Variants in PICALM observed in about 807,000 individuals in gnomAD.
PICALM encodes the protein phosphatidylinositol-binding clathrin assembly protein.
PICALM carries 40 observed loss-of-function variants against 80.5 expected under a neutral mutation model. That is an observed-to-expected ratio of 0.50 (90% CI 0.39 to 0.65). PICALM has a LOEUF of 0.65. Among genes scored for constraint, PICALM ranks in the 30% least tolerant of loss-of-function variants. PICALM has a pLI of 0.00. For synonymous variants in PICALM, 288 were observed against 260.3 expected (o/e 1.11, Z -1.02); for missense variants, 676 against 778.9 (o/e 0.87, Z 1.57).
chr11:85,990,472 G>T lies in PICALM; in HGVS notation c.1259-73C>A, dbSNP rs555684194. The stretch of plus-strand genomic sequence containing the variant: ...AAATTAGTATTGTAATTAGTCAAAA[G>T]ATGCAAAGTGAAAAGTAGTAACTAT... On this transcript the variant is annotated intron_variant, in intron 12 of 19. Coordinates refer to ENST00000393346, the MANE Select transcript of PICALM (RefSeq NM_007166.4). 2.2e-4 allele frequency: 196 copies of T among 888,074 alleles called. No homozygotes were observed. The African/African-American group carries it at 2.8e-3, about 13-fold the overall frequency. 55.0% of individuals were successfully genotyped at this position (888,074 alleles called of 1,614,324 possible).
At chr11:86,059,082 T>C (rs182524362) in intron 1 of PICALM, among the ~76,000 whole-genome samples, 120 of 152,344 alleles carry the variant, frequency 7.9e-4, no homozygotes, top group African/African-American at 2.9e-3. Flanking sequence ...TATGTTTTTA[T>C]CAATGTTACT....
At chr11:86,057,067 T>C (rs1343978866) in intron 1 of PICALM, among the ~76,000 whole-genome samples, 1 of 152,018 alleles carries the variant, frequency 6.6e-6, no homozygotes, top group Non-Finnish European at 1.5e-5. Context: ...TGATGGAAAA[T>C]GTTCTAGAAT....
Position 86,010,516 on chromosome 11 carries a change from G to A in PICALM, c.765+514C>T, listed in dbSNP as rs189838205. On this transcript the variant is annotated intron_variant, in intron 7 of 19. Coordinates refer to ENST00000393346, the MANE Select transcript of PICALM (RefSeq NM_007166.4). ...TAATTTTTGTATCTTTAGTATAGACGGGATTTTGCCATGTTGGCCAGTCTT... is the reference window on the plus strand; with the variant it reads ...TAATTTTTGTATCTTTAGTATAGACAGGATTTTGCCATGTTGGCCAGTCTT... 5.3e-5 allele frequency among the ~76,000 whole-genome samples: 8 copies of A among 152,084 alleles called. No homozygotes were observed. The East Asian group carries it at 1.5e-3, about 29-fold the overall frequency.
chr11:86,019,981 G>A (rs562190832), intron 4 of PICALM, among the ~76,000 whole-genome samples: 1 of 152,182 alleles, frequency 6.6e-6, no homozygotes, highest in East Asian at 1.9e-4. Flanking sequence ...ATAGCTACAA[G>A]GGTCATCGCT....
chr11:85,980,673 A>G (rs1203637062), intron 17 of PICALM, among the ~76,000 whole-genome samples: 1 of 152,204 alleles, frequency 6.6e-6, no homozygotes, highest in African/African-American at 2.4e-5. Context: ...TGTATTTTAG[A>G]AAAATAAATA....
chr11:85,959,054 A>G lies in PICALM; in HGVS notation c.1951T>C (p.Phe651Leu). 1.3e-6 allele frequency: 2 copies of G among 1,588,796 alleles called. No individual in the cohort carries two copies. The highest frequency in any genetic ancestry group is 1.7e-6 in the Non-Finnish European group (2 of 1,161,784). Residue 651 changes from phenylalanine (F) to leucine (L), a missense_variant, in exon 20 of 20, where the codon TTT becomes CTT. Around this residue, in one of 2 missense-constraint regions of PICALM, gnomAD observed 391 missense variants for 383.6 expected, o/e 1.02. Coordinates refer to ENST00000393346, the MANE Select transcript of PICALM (RefSeq NM_007166.4). ...FGPVSGAQIQ[F>L]M is the part of the protein sequence containing the mutation. ...CATTTTCTTCCATCAAGTTACATAA[A>G]CTGTATCTGGAAAAAAAAAGTGGGT...
At chr11:85,996,685 G>T in intron 12 of PICALM, 141 bp downstream of exon 12, 2 of 560,188 alleles carry the variant, frequency 3.6e-6, no homozygotes. Flanking sequence ...ACCTTCAAGG[G>T]ATAAAATTGC....
chr11:86,056,760 T>TAAACAACCCAAATGTCC (rs922265476), intron 1 of PICALM, among the ~76,000 whole-genome samples: 6 of 152,164 alleles, frequency 3.9e-5, no homozygotes, highest in African/African-American at 1.4e-4. Context: ...CCCAAATGGC[T>TAAACAACCCAAATGTCC]AAACAACCCA....
chr11:85,980,811 T>A (rs1054068337), intron 17 of PICALM, among the ~76,000 whole-genome samples: 1 of 152,202 alleles, frequency 6.6e-6, no homozygotes, highest in Admixed American at 6.5e-5. Context: ...GCTTAATAAC[T>A]CTGAGCCTCC....
intron 1 of PICALM, among the ~76,000 whole-genome samples, chr11:86,042,391 A>C (rs1410247727): frequency 2.0e-5 from 3 of 152,190 alleles, no homozygotes; most frequent in Non-Finnish European, 4.4e-5. Flanking sequence ...ACTTAATATA[A>C]GAATTAAAAA....
chr11:86,001,072 G>A lies in PICALM; in HGVS notation c.980C>T (p.Ala327Val). ...CAAACGTGCCTGTTCTTCCTCTAAT[G>A]CTGCCTGCTTTTCCCTTTCATCCAC... The part of the protein sequence containing the change: ...TKVDEREKQA[A>V]LEEEQARLKA... The change falls in exon 10 of 20, where the codon GCA becomes GTA. Residue 327 changes from alanine to valine, a missense_variant. Ala to Val is a moderately conservative substitution (Grantham distance 64, BLOSUM62 0). Coordinates refer to ENST00000393346, the MANE Select transcript of PICALM (RefSeq NM_007166.4). 6.2e-7 allele frequency: 1 copy of A among 1,614,130 alleles called. No individual in the cohort carries two copies. Among genetic ancestry groups the A allele is most frequent in the Non-Finnish European group, 8.5e-7 (1 of 1,179,978 alleles).
intron 2 of PICALM, among the ~76,000 whole-genome samples, chr11:86,026,615 T>C (rs546467505): frequency 6.6e-6 from 1 of 152,104 alleles, no homozygotes; most frequent in East Asian, 1.9e-4. Flanking sequence ...TAAAAGCAAA[T>C]AGGCAGTGGA....
chr11:86,056,873 G>T (rs1446816386), intron 1 of PICALM, among the ~76,000 whole-genome samples: 1 of 152,128 alleles, frequency 6.6e-6, no homozygotes, highest in Non-Finnish European at 1.5e-5. Flanking sequence ...GTGCTACAAG[G>T]ACAAACCTTT....
At chr11:85,978,324 T>C in intron 17 of PICALM, 1 of 387,288 alleles carries the variant, frequency 2.6e-6, no homozygotes, top group Admixed American at 4.3e-5. Context: ...AAAAATAGTT[T>C]ATTGATTACA....
rs563739322 is a variant in PICALM, at chr11:85,994,608, T to C, written c.1258+2218A>G. ...CATACCTTTGCTTTGTCATATACTA[T>C]AACAGCAGCATTATATGTAAAATGT... is the stretch of plus-strand genomic sequence containing the variant. On this transcript the variant is annotated intron_variant, in intron 12 of 19. Transcript: ENST00000393346. 5.2e-5 allele frequency among the ~76,000 whole-genome samples: 8 copies of C among 152,402 alleles called. No homozygotes were observed. In the South Asian group the frequency reaches 1.4e-3, roughly 28 times the overall value.
At chr11:85,996,106 T>C (rs1480872160) in intron 12 of PICALM, among the ~76,000 whole-genome samples, 1 of 152,102 alleles carries the variant, frequency 6.6e-6, no homozygotes, top group Non-Finnish European at 1.5e-5. Flanking sequence ...TAGGATATAG[T>C]TCCTTCAAAA....
At chr11:85,977,987 G>A (rs895217724) in intron 17 of PICALM, 6 of 1,003,148 alleles carry the variant, frequency 6.0e-6, no homozygotes, top group Non-Finnish European at 9.5e-6. Context: ...ACAAGTAATA[G>A]CTGAAAGGTT....
chr11:86,050,666 T>TTAAAA (rs2096170691), intron 1 of PICALM, among the ~76,000 whole-genome samples: 2 of 152,314 alleles, frequency 1.3e-5, no homozygotes, highest in South Asian at 4.1e-4. Context: ...AATTCATCAC[T>TTAAAA]TAATAATTTT....
intron 1 of PICALM, among the ~76,000 whole-genome samples, chr11:86,033,006 C>T (rs1034670543): frequency 1.3e-5 from 2 of 152,258 alleles, no homozygotes; most frequent in East Asian, 3.9e-4. Context: ...AAACAGAGTG[C>T]CCATGGAACA....
Sources: allele counts gnomAD v4.1 joint callset (sites outside exome capture counted in the v4.1 genomes callset), GRCh38; gene constraint gnomAD v4.1.1; regional missense constraint gnomAD v4.1.1; transcripts MANE v1.5; gene names NCBI Gene and HGNC (gene_info 2026-07-23, HGNC 2026-07-21).